ATP8B1: variants seen among roughly 807,000 people sequenced by gnomAD.
The protein encoded by ATP8B1 is phospholipid-transporting ATPase IC.
A neutral mutation model predicts 149.9 loss-of-function variants in ATP8B1; 80 were observed. That is an observed-to-expected ratio of 0.53 (90% CI 0.45 to 0.64). The LOEUF is 0.64. Ranked by LOEUF, ATP8B1 falls within the 30% of genes least tolerant of loss-of-function variation. The probability of loss-of-function intolerance (pLI) is 0.00; values close to 1 mark genes in which losing one functional copy is unlikely to be tolerated. For synonymous variants in ATP8B1, 536 were observed against 562.8 expected, an observed-to-expected ratio of 0.95 and a Z score of 0.67; for missense variants, 1,247 against 1,552.6, an observed-to-expected ratio of 0.80 and a Z score of 3.31.
At position 57,713,261 on chromosome 18, in the gene ATP8B1, T is replaced by C. The variant is rs907771220; in HGVS notation, c.182-6674A>G. ...CTTCCTTCTTTCTTTCTTTCTTTCT[T>C]TCTCTTTCTTTCTTTCTTTTTTCTT... On this transcript the variant is annotated intron_variant, in intron 2 of 27. Coordinates refer to ENST00000648908, the MANE Select transcript of ATP8B1 (RefSeq NM_001374385.1). Among the ~76,000 whole-genome samples, 252 of 118,624 alleles carry C rather than the reference T, an allele frequency of 2.1e-3. 3 individuals carry two copies. The highest frequency in any genetic ancestry group is 7.8e-3 in the African/African-American group (241 of 30,874). 77.8% of individuals were successfully genotyped at this position (118,624 alleles called of 152,430 possible).
At position 57,661,212 on chromosome 18, in the gene ATP8B1, G is replaced by A; in HGVS notation, c.2669C>T (p.Ala890Val). 1 of 1,613,998 alleles carries A rather than the reference G, an allele frequency of 6.2e-7. No individual in the cohort carries two copies. Among genetic ancestry groups the A allele is most frequent in the Non-Finnish European group, 8.5e-7 (1 of 1,180,018 alleles). Residue 890 changes from alanine (A) to valine (V), a missense_variant, in exon 22 of 28, where the codon GCC becomes GTC. Physicochemically the swap from Ala to Val is moderately conservative, Grantham distance 64. Around this residue, in one of 3 missense-constraint regions of ATP8B1, gnomAD observed 230 missense variants for 356.6 expected, o/e 0.65. Coordinates refer to ENST00000648908, the MANE Select transcript of ATP8B1 (RefSeq NM_001374385.1). ...CACGTCATTGGCCCCATCTCCGATGGCCAGCGTGATGGCTTTCTTGTACCT... is the reference window on the plus strand; with the variant it reads ...CACGTCATTGGCCCCATCTCCGATGACCAGCGTGATGGCTTTCTTGTACCT... ...VKRYKKAITL[A>V]IGDGANDVNM...
intron 11 of ATP8B1, among the ~76,000 whole-genome samples, chr18:57,694,096 G>A (rs1912679121): frequency 6.6e-6 from 1 of 152,178 alleles, no homozygotes; most frequent in African/African-American, 2.4e-5. Flanking sequence ...TCCTTCCAGT[G>A]AATCATCAAA....
intron 2 of ATP8B1, among the ~76,000 whole-genome samples, chr18:57,710,816 G>A (rs1332377631): frequency 2.0e-5 from 3 of 152,096 alleles, no homozygotes; most frequent in African/African-American, 7.2e-5. Flanking sequence ...TGTATTTTTA[G>A]TAGAGACCGG....
At chr18:57,761,094 AT>A (rs981633905) in intron 1 of ATP8B1, among the ~76,000 whole-genome samples, 61 of 97,958 alleles carry the variant, frequency 6.2e-4, no homozygotes, top group African/African-American at 1.9e-3. Flanking sequence ...ATAAAATAAA[AT>A]AAAAAATAAA....
chr18:57,745,248 T>C (rs547709675), intron 1 of ATP8B1, among the ~76,000 whole-genome samples: 35 of 152,292 alleles, frequency 2.3e-4, no homozygotes, highest in Admixed American at 1.8e-3. Context: ...ACAGGAATAC[T>C]TCAATGAAAG....
intron 1 of ATP8B1, among the ~76,000 whole-genome samples, chr18:57,783,954 TG>T (rs2080381910): frequency 6.6e-6 from 1 of 152,230 alleles, no homozygotes; most frequent in South Asian, 2.1e-4. Context: ...ACAGTATTTC[TG>T]GGCTTCCCCT....
rs1364953733 is a variant in ATP8B1, at chr18:57,672,923, TATATATATAA to T, written c.1820-1353_1820-1344del. Among the ~76,000 whole-genome samples the T allele has an allele frequency of 1.5e-3, 77 of 50,464 alleles. 3 individuals carry two copies. Among genetic ancestry groups the T allele is most frequent in the African/African-American group, 5.0e-3 (51 of 10,164 alleles). 33.1% of individuals were successfully genotyped at this position (50,464 alleles called of 152,430 possible). On this transcript the variant is annotated intron_variant, in intron 16 of 27. Coordinates refer to ENST00000648908, the MANE Select transcript of ATP8B1 (RefSeq NM_001374385.1). ...ATATATATATATATATATATATATA[TATATATATAA>T]CATGTATATACACATATATACATAC...
chr18:57,653,807 A>G (rs1188362266), intron 24 of ATP8B1, among the ~76,000 whole-genome samples, 185 bp downstream of exon 24: 1 of 151,448 alleles, frequency 6.6e-6, no homozygotes, highest in Admixed American at 6.6e-5. Flanking sequence ...ACTACAGAGA[A>G]ATCCTCTTTC....
Position 57,662,361 on chromosome 18 carries a change from A to G in ATP8B1, c.2418+122T>C, listed in dbSNP as rs1038583468. The G allele has an allele frequency of 7.1e-5, 86 of 1,203,796 alleles. No homozygotes were observed. The Middle Eastern group carries it at 9.9e-4, about 14-fold the overall frequency. The allele number at this position is 1,203,796 out of a possible 1,614,324, so 74.6% of individuals were successfully genotyped here. ...TAAGTCTCAAACTTGGAAAAACCAC[A>G]CTTTCATGTATAGGCTAAGAGACTT... On this transcript the variant is annotated intron_variant, in intron 21 of 27. Transcript: ENST00000648908.
intron 1 of ATP8B1, among the ~76,000 whole-genome samples, chr18:57,773,079 T>C (rs1183117036): frequency 2.0e-5 from 3 of 151,558 alleles, no homozygotes; most frequent in Admixed American, 2.0e-4. Context: ...GGTGCATGCC[T>C]GTAATTCCAG....
At chr18:57,669,173 A>G in intron 18 of ATP8B1, 145 bp downstream of exon 18, 2 of 870,104 alleles carry the variant, frequency 2.3e-6, no homozygotes, top group South Asian at 2.2e-5. Flanking sequence ...TGAATAAAAG[A>G]AATAACCTTC....
At chr18:57,689,731 C>G (rs1912435681) in intron 12 of ATP8B1, among the ~76,000 whole-genome samples, 1 of 152,094 alleles carries the variant, frequency 6.6e-6, no homozygotes, top group South Asian at 2.1e-4. Flanking sequence ...AAAATCAAAG[C>G]AGGGGGCCAG....
chr18:57,683,560 G>A (rs1358471449), intron 15 of ATP8B1, among the ~76,000 whole-genome samples: 2 of 152,090 alleles, frequency 1.3e-5, no homozygotes, highest in East Asian at 1.9e-4. Context: ...AGAGATCCAG[G>A]CTGAGGCTCA....
intron 4 of ATP8B1, among the ~76,000 whole-genome samples, chr18:57,703,005 G>T (rs1248264568): frequency 6.6e-6 from 1 of 152,124 alleles, no homozygotes; most frequent in Non-Finnish European, 1.5e-5. Context: ...CTACAGAGCA[G>T]CACCTTGGAG....
At chr18:57,730,764 T>A (rs2079754710) in intron 2 of ATP8B1, among the ~76,000 whole-genome samples, 1 of 152,058 alleles carries the variant, frequency 6.6e-6, no homozygotes, top group Non-Finnish European at 1.5e-5. Flanking sequence ...GTCTAGACCC[T>A]GCCTCTGATG....
intron 1 of ATP8B1, among the ~76,000 whole-genome samples, chr18:57,767,017 A>G (rs1045322078): frequency 2.6e-5 from 4 of 152,132 alleles, no homozygotes; most frequent in African/African-American, 4.8e-5. Context: ...TGAAATTGCA[A>G]ATCTTTCCAT....
chr18:57,714,766 G>C (rs1274524399), intron 2 of ATP8B1, among the ~76,000 whole-genome samples: 2 of 152,086 alleles, frequency 1.3e-5, no homozygotes, highest in Non-Finnish European at 2.9e-5. Context: ...TGCAGATATG[G>C]GTTCAATCAT....
intron 2 of ATP8B1, among the ~76,000 whole-genome samples, chr18:57,715,978 T>A (rs1258158485): frequency 3.3e-5 from 5 of 152,274 alleles, no homozygotes; most frequent in Admixed American, 6.5e-5. Flanking sequence ...AAACTACTCT[T>A]CAGTAAAATG....
intron 25 of ATP8B1, 56 bp downstream of exon 25, chr18:57,652,428 C>T (rs1909682777): frequency 6.2e-7 from 1 of 1,610,562 alleles, no homozygotes; most frequent in African/African-American, 1.3e-5. Context: ...ACCCTATATA[C>T]AGAAATATAA....
Sources: allele counts gnomAD v4.1 joint callset (sites outside exome capture counted in the v4.1 genomes callset), GRCh38; gene constraint gnomAD v4.1.1; regional missense constraint gnomAD v4.1.1; transcripts MANE v1.5; gene names NCBI Gene and HGNC (gene_info 2026-07-23, HGNC 2026-07-21).